NOTCH2NLC: variants seen among roughly 807,000 people sequenced by gnomAD.
The protein encoded by NOTCH2NLC is notch 2 N-terminal like C, also known as notch homolog 2 N-terminal-like protein C.
NOTCH2NLC carries 4 observed loss-of-function variants against 17.7 expected under a neutral mutation model. That is an observed-to-expected ratio of 0.23 (90% CI 0.11 to 0.52). The LOEUF (loss-of-function observed/expected upper bound fraction) is 0.52, where lower values mean the gene tolerates loss of function less well. Among genes scored for constraint, NOTCH2NLC ranks in the 20% least tolerant of loss-of-function variants. NOTCH2NLC has a pLI of 0.96. For missense variants in NOTCH2NLC, 57 were observed against 207.2 expected (o/e 0.28, Z 4.45); for synonymous variants, 18 against 86.0 (o/e 0.21, Z 4.38).
At chr1:149,432,398 G>A (rs2084456477) in intron 2 of NOTCH2NLC, among the ~76,000 whole-genome samples, 1 of 150,782 alleles carries the variant, frequency 6.6e-6, no homozygotes, top group Non-Finnish European at 1.5e-5. Flanking sequence ...TTGGAATAAA[G>A]ATAACATTGG....
At position 149,469,047 on chromosome 1, in the gene NOTCH2NLC, C is replaced by A. The variant is rs1287355013; in HGVS notation, c.*4894C>A. Reference sequence around the variant, plus strand: ...TGGTGCTATCTCGGCTCACTGCAACCTCCACCTCCCGGGTTCAAGCTATTC... The same window carrying A: ...TGGTGCTATCTCGGCTCACTGCAACATCCACCTCCCGGGTTCAAGCTATTC... On this transcript the variant is annotated 3_prime_UTR_variant, in exon 5 of 5. Coordinates refer to ENST00000650865, the MANE Select transcript of NOTCH2NLC (RefSeq NM_001364013.2). Among the ~76,000 whole-genome samples, 1 of 128,782 alleles carries A rather than the reference C, an allele frequency of 7.8e-6. No individual in the cohort carries two copies. The highest frequency in any genetic ancestry group is 2.9e-5 in the African/African-American group (1 of 35,016). The allele number at this position is 128,782 out of a possible 152,430, so 84.5% of individuals were successfully genotyped here. A position where few individuals can be genotyped will look rare whatever the true frequency, so the allele number is the denominator to read the frequency against.
At chr1:149,450,081 T>C (rs1348619765) in intron 2 of NOTCH2NLC, among the ~76,000 whole-genome samples, 3 of 143,708 alleles carry the variant, frequency 2.1e-5, no homozygotes, top group African/African-American at 7.8e-5. Context: ...TGAATAATGC[T>C]GCTATGAACA....
intron 1 of NOTCH2NLC, among the ~76,000 whole-genome samples, chr1:149,421,627 TATAAGACAAGA>T (rs2084380378): frequency 1.8e-5 from 2 of 113,806 alleles, no homozygotes; most frequent in African/African-American, 7.2e-5. Flanking sequence ...TAATACAAGA[TATAAGACAAGA>T]CATGGAATAA....
chr1:149,444,418 AG>A (rs1434241878), intron 2 of NOTCH2NLC, among the ~76,000 whole-genome samples: 1 of 112,344 alleles, frequency 8.9e-6, no homozygotes. Flanking sequence ...TTTTTGGTTT[AG>A]GTTTCTTAAA....
At chr1:149,396,077 A>G (rs1443054203) in intron 1 of NOTCH2NLC, among the ~76,000 whole-genome samples, 1 of 150,652 alleles carries the variant, frequency 6.6e-6, no homozygotes, top group Non-Finnish European at 1.5e-5. Flanking sequence ...TCCCACCTTT[A>G]GAACATTCTA....
At chr1:149,416,538 T>C (rs1189477304) in intron 1 of NOTCH2NLC, among the ~76,000 whole-genome samples, 1 of 90,230 alleles carries the variant, frequency 1.1e-5, no homozygotes, top group Non-Finnish European at 2.2e-5. Context: ...TTACCTACTT[T>C]TAATAGGGCC....
intron 1 of NOTCH2NLC, among the ~76,000 whole-genome samples, chr1:149,425,585 G>C (rs1484798942): frequency 1.3e-5 from 2 of 148,424 alleles, no homozygotes; most frequent in African/African-American, 4.9e-5. Context: ...GGAAGAAAAA[G>C]TGTCAAACTT....
chr1:149,417,714 GC>G (rs1298038471), intron 1 of NOTCH2NLC, among the ~76,000 whole-genome samples: 1 of 148,116 alleles, frequency 6.8e-6, no homozygotes, highest in Non-Finnish European at 1.5e-5. Flanking sequence ...GTTCACACAA[GC>G]CATAGAATGC....
intron 1 of NOTCH2NLC, among the ~76,000 whole-genome samples, chr1:149,419,970 C>T (rs2084370257): frequency 1.4e-5 from 2 of 140,404 alleles, no homozygotes; most frequent in Admixed American, 7.2e-5. Flanking sequence ...GGGTTCATGC[C>T]ATTCTCCTGC....
chr1:149,444,950 CTTTT>C (rs1445115440), intron 2 of NOTCH2NLC, among the ~76,000 whole-genome samples: 1 of 147,442 alleles, frequency 6.8e-6, no homozygotes, highest in Non-Finnish European at 1.5e-5. Context: ...CTTTTTTTTT[CTTTT>C]TATTTGAGAA....
chr1:149,454,495 AG>A (rs1559610523), intron 2 of NOTCH2NLC, among the ~76,000 whole-genome samples: 2 of 143,504 alleles, frequency 1.4e-5, no homozygotes, highest in Admixed American at 1.4e-4. Context: ...GCATGTAAAA[AG>A]GTTCCTCAGT....
At chr1:149,415,552 A>AT (rs1210591986) in intron 1 of NOTCH2NLC, among the ~76,000 whole-genome samples, 2 of 140,480 alleles carry the variant, frequency 1.4e-5, no homozygotes, top group Non-Finnish European at 3.1e-5. Context: ...GTTTCCAAAT[A>AT]TTTTTTTCAG....
intron 1 of NOTCH2NLC, among the ~76,000 whole-genome samples, chr1:149,414,503 C>G (rs1275999144): frequency 1.3e-5 from 2 of 150,832 alleles, no homozygotes; most frequent in Non-Finnish European, 3.0e-5. Context: ...AAAGCAGGAC[C>G]CTTCACACCC....
At chr1:149,427,020 A>G (rs2084416589) in intron 1 of NOTCH2NLC, among the ~76,000 whole-genome samples, 1 of 150,044 alleles carries the variant, frequency 6.7e-6, no homozygotes, top group African/African-American at 2.4e-5. Context: ...TAAAAATTAG[A>G]ATTGTCAATT....
intron 1 of NOTCH2NLC, among the ~76,000 whole-genome samples, chr1:149,402,401 A>G (rs1260814657): frequency 6.8e-6 from 1 of 146,608 alleles, no homozygotes; most frequent in Non-Finnish European, 1.5e-5. Flanking sequence ...TTTTTTAAAC[A>G]TCAGATTTTT....
Position 149,390,802 on chromosome 1 carries a change from A to AGGCGGCGGCAGCGGCGGCGGCGGC in NOTCH2NLC, c.24_25insAGCGGCGGCGGCGGCGGCGGCGGC (p.Gly8_Gly9insSerGlyGlyGlyGlyGlyGlyGly). 1 of 948,690 alleles carries AGGCGGCGGCAGCGGCGGCGGCGGC rather than the reference A, an allele frequency of 1.1e-6. No individual in the cohort carries two copies. The highest frequency in any genetic ancestry group is 4.9e-5 in the Admixed American group (1 of 20,466). The allele number at this position is 948,690 out of a possible 1,614,324, so 58.8% of individuals were successfully genotyped here. ...ACCCCCTCCCCATGTGGATCTGCCC[A>AGGCGGCGGCAGCGGCGGCGGCGGC]GGCGGCGGCGGCGGCGGCGGCGGCG... On this transcript the variant is annotated inframe_insertion, in exon 1 of 5. Coordinates refer to ENST00000650865, the MANE Select transcript of NOTCH2NLC (RefSeq NM_001364013.2).
intron 1 of NOTCH2NLC, among the ~76,000 whole-genome samples, chr1:149,419,855 ATTTTTTTTTTTTTTT>A (rs1166865199): frequency 1.3e-5 from 1 of 78,218 alleles, no homozygotes; most frequent in Non-Finnish European, 2.3e-5. Flanking sequence ...ATATATATAT[ATTTTTTTTTTTTTTT>A]TTTTTTTTTT....
intron 1 of NOTCH2NLC, among the ~76,000 whole-genome samples, chr1:149,413,123 G>A (rs2084308957): frequency 2.0e-5 from 3 of 150,270 alleles, no homozygotes; most frequent in Non-Finnish European, 4.5e-5. Flanking sequence ...GGTCAGGCTG[G>A]TTTTGAACTG....
chr1:149,420,023 T>A (rs2084370457), intron 1 of NOTCH2NLC, among the ~76,000 whole-genome samples: 2 of 145,546 alleles, frequency 1.4e-5, no homozygotes, highest in Non-Finnish European at 3.1e-5. Context: ...CCCGCCACCA[T>A]GCCCAGCTAA....
Sources: gnomAD v4.1 joint callset for allele counts (sites outside exome capture counted in the v4.1 genomes callset) on GRCh38, gnomAD v4.1.1 for gene constraint, MANE v1.5 for transcripts, NCBI Gene and HGNC (gene_info 2026-07-23, HGNC 2026-07-21) for gene names.